Variants in ZNF705B observed in about 807,000 individuals in gnomAD.
The protein encoded by ZNF705B is zinc finger protein 705B, also known as Putative zinc finger protein 705D-like protein LOC100132396.
A neutral mutation model predicts 10.5 loss-of-function variants in ZNF705B; 1 was observed. The observed-to-expected ratio is 0.10, with a 90% CI of 0.03 to 0.45. The LOEUF (loss-of-function observed/expected upper bound fraction) is 0.45. Among genes scored for constraint, ZNF705B ranks in the 20% least tolerant of loss-of-function variants. The pLI is 0.97. For missense variants in ZNF705B, 14 were observed against 84.0 expected, an observed-to-expected ratio of 0.17 and a Z score of 3.26; for synonymous variants, 4 against 25.4, an observed-to-expected ratio of 0.16 and a Z score of 2.53.
At chr8:7,937,050 T>A (rs1256045508) in intron 2 of ZNF705B, among the ~76,000 whole-genome samples, 1 of 117,974 alleles carries the variant, frequency 8.5e-6, no homozygotes, top group Non-Finnish European at 2.0e-5. Context: ...TCCGGCCATT[T>A]GCTTTAGGAA....
In ZNF705B at chr8:7,929,271, G is replaced by A. The variant is rs865781244; in HGVS notation, c.-221-1016G>A. Among the ~76,000 whole-genome samples, 495 of 121,178 alleles carry A rather than the reference G, an allele frequency of 4.1e-3. 34 individuals carry two copies. Among genetic ancestry groups the A allele is most frequent in the African/African-American group, 0.012 (457 of 39,704 alleles). The allele number at this position is 121,178 out of a possible 152,430, so 79.5% of individuals were successfully genotyped here. On this transcript the variant is annotated intron_variant, in intron 1 of 6. Transcript: ENST00000400120. ...TTCAAAATGCAATTTTAATCAAAAT[G>A]CAATTTTAAAATAGCTGCCCTTACA... is the stretch of plus-strand genomic sequence containing the variant.
Position 7,935,028 on chromosome 8 carries a change from A to T in ZNF705B, c.-72+4592A>T, listed in dbSNP as rs1350475721. 1.1e-3 allele frequency among the ~76,000 whole-genome samples: 93 copies of T among 87,468 alleles called. 6 individuals are homozygous for T. The highest frequency in any genetic ancestry group is 0.012 in the Middle Eastern group (2 of 166). 57.4% of individuals were successfully genotyped at this position (87,468 alleles called of 152,430 possible). Reference sequence around the variant, plus strand: ...TGTTTTTATTCCTACACACACACACACACTCTCTCTATATGATAGATTATA... The same window carrying T: ...TGTTTTTATTCCTACACACACACACTCACTCTCTCTATATGATAGATTATA... On this transcript the variant is annotated intron_variant, in intron 2 of 6. Transcript: ENST00000400120.
At chr8:7,926,992 A>G (rs1354341718) in intron 1 of ZNF705B, among the ~76,000 whole-genome samples, 2 of 118,378 alleles carry the variant, frequency 1.7e-5, no homozygotes, top group Non-Finnish European at 4.0e-5. Flanking sequence ...GAAAATATCT[A>G]TCTCATATAA....
intron 1 of ZNF705B, among the ~76,000 whole-genome samples, chr8:7,928,771 ACATTG>A: frequency 1.1e-5 from 1 of 90,678 alleles, no homozygotes; most frequent in African/African-American, 2.9e-5. Context: ...AAAAAATCAA[ACATTG>A]AACTCAACCA....
At position 7,931,565 on chromosome 8, in the gene ZNF705B, G is replaced by A. The variant is rs865775423; in HGVS notation, c.-72+1129G>A. Among the ~76,000 whole-genome samples the A allele has an allele frequency of 3.8e-4, 46 of 121,876 alleles. 3 individuals are homozygous for A. Among genetic ancestry groups the A allele is most frequent in the African/African-American group, 5.5e-4 (22 of 40,022 alleles). The allele number at this position is 121,876 out of a possible 152,430, so 80.0% of individuals were successfully genotyped here. Reference sequence around the variant, plus strand: ...ACAGCAGTGTGGGTTGATCCCCAGCGTCCTGGACAACGACCTTGGGTAGTG... The same window carrying A: ...ACAGCAGTGTGGGTTGATCCCCAGCATCCTGGACAACGACCTTGGGTAGTG... On this transcript the variant is annotated intron_variant, in intron 2 of 6. Coordinates refer to ENST00000400120, the MANE Select transcript of ZNF705B (RefSeq NM_001193630.1).
chr8:7,926,999 A>G (rs1819708723), intron 1 of ZNF705B, among the ~76,000 whole-genome samples: 2 of 118,880 alleles, frequency 1.7e-5, no homozygotes, highest in Non-Finnish European at 4.0e-5. Flanking sequence ...TCTATCTCAT[A>G]TAAAAGTTAT....
intron 1 of ZNF705B, among the ~76,000 whole-genome samples, chr8:7,928,600 T>G (rs1194698766): frequency 1.8e-5 from 2 of 111,664 alleles, no homozygotes; most frequent in Non-Finnish European, 4.3e-5. Context: ...CCGTGTATAC[T>G]TTCTGCTGTT....
chr8:7,931,489 G>T, intron 2 of ZNF705B, among the ~76,000 whole-genome samples: 1 of 122,072 alleles, frequency 8.2e-6, no homozygotes, highest in Non-Finnish European at 2.0e-5. Flanking sequence ...CACCAGGCTG[G>T]GTGGGCTCAT....
chr8:7,937,024 T>G (rs1310944183), intron 2 of ZNF705B, among the ~76,000 whole-genome samples: 1 of 119,628 alleles, frequency 8.4e-6, no homozygotes, highest in Non-Finnish European at 2.0e-5. Flanking sequence ...TTGCATATTG[T>G]GGACACTATG....
chr8:7,928,846 G>T (rs1444449870), intron 1 of ZNF705B, among the ~76,000 whole-genome samples: 2 of 104,790 alleles, frequency 1.9e-5, no homozygotes, highest in East Asian at 5.4e-4. Flanking sequence ...TCTAAAATGG[G>T]TGGTTTTCCA....
chr8:7,931,799 G>T (rs1182291537), intron 2 of ZNF705B, among the ~76,000 whole-genome samples: 2 of 131,088 alleles, frequency 1.5e-5, no homozygotes, highest in African/African-American at 5.0e-5. Context: ...TCTGGGGGCA[G>T]CCTCCCTAGT....
At chr8:7,933,965 G>T (rs1351486710) in intron 2 of ZNF705B, among the ~76,000 whole-genome samples, 4 of 81,684 alleles carry the variant, frequency 4.9e-5, no homozygotes, top group African/African-American at 2.5e-4. Flanking sequence ...TTTTGAGACA[G>T]TGTCTTACTC....
At chr8:7,927,607 G>A (rs191374796) in intron 1 of ZNF705B, among the ~76,000 whole-genome samples, 2,414 of 110,546 alleles carry the variant, frequency 0.022, 71 homozygotes, top group African/African-American at 0.06. Flanking sequence ...TTTTTCCTGA[G>A]ACAAACAGTA....
rs1307502930 is a variant in ZNF705B at position 7,929,359 on chromosome 8, G to A, written c.-221-928G>A. On this transcript the variant is annotated intron_variant, in intron 1 of 6. Transcript: ENST00000400120. ...AAGAAATAAAAAATGTTTAAAGGGT[G>A]GTTTTCTTTATATTTCCAAAAGGAA... 1.4e-4 allele frequency among the ~76,000 whole-genome samples: 17 copies of A among 121,086 alleles called. 2 individuals carry two copies. Among genetic ancestry groups the A allele is most frequent in the African/African-American group, 4.3e-4 (17 of 39,860 alleles). The allele number at this position is 121,086 out of a possible 152,430, so 79.4% of individuals were successfully genotyped here. A position where few individuals can be genotyped will look rare whatever the true frequency, so the allele number is the denominator to read the frequency against.
intron 2 of ZNF705B, among the ~76,000 whole-genome samples, chr8:7,935,890 C>T (rs1820000657): frequency 1.1e-5 from 1 of 91,606 alleles, no homozygotes; most frequent in Non-Finnish European, 2.9e-5. Flanking sequence ...GCCCACTGGC[C>T]TTGTGCTAAA....
At chr8:7,936,123 C>T (rs1820007911) in intron 2 of ZNF705B, among the ~76,000 whole-genome samples, 1 of 107,100 alleles carries the variant, frequency 9.3e-6, no homozygotes, top group Non-Finnish European at 2.2e-5. Flanking sequence ...ATGTATATTC[C>T]AGAATCTGAT....
Position 7,927,468 on chromosome 8 carries a change from G to T in ZNF705B, c.-222+1071G>T, listed in dbSNP as rs866165002. Among the ~76,000 whole-genome samples the T allele has an allele frequency of 7.8e-3, 934 of 120,510 alleles. 45 individuals are homozygous for T. Among genetic ancestry groups the T allele is most frequent in the African/African-American group, 0.021 (849 of 39,592 alleles). 79.1% of individuals were successfully genotyped at this position (120,510 alleles called of 152,430 possible). A position where few individuals can be genotyped will look rare whatever the true frequency, so the allele number is the denominator to read the frequency against. On this transcript the variant is annotated intron_variant, in intron 1 of 6. Coordinates refer to ENST00000400120, the MANE Select transcript of ZNF705B (RefSeq NM_001193630.1). ...GTTGGCTGCATAAATGTCTTTTTTT[G>T]AGAAATGTCTGTTCACATCCTTTGC...
intron 2 of ZNF705B, among the ~76,000 whole-genome samples, chr8:7,939,000 GCA>G (rs1372361287): frequency 2.2e-5 from 1 of 46,426 alleles, no homozygotes; most frequent in Non-Finnish European, 4.8e-5. Context: ...TGATGTGGGT[GCA>G]CAGTTTTGGC....
chr8:7,938,708 G>A (rs1820081546), intron 2 of ZNF705B: 2 of 1,407,554 alleles, frequency 1.4e-6, no homozygotes, highest in Middle Eastern at 5.2e-4. Flanking sequence ...AGTTTATTTT[G>A]TTACCTGGTA....
Sources: allele counts gnomAD v4.1 joint callset (sites outside exome capture counted in the v4.1 genomes callset), GRCh38; gene constraint gnomAD v4.1.1; transcripts MANE v1.5; gene names NCBI Gene and HGNC (gene_info 2026-07-23, HGNC 2026-07-21).